MRPL36: variants seen among roughly 807,000 people sequenced by gnomAD.
MRPL36 encodes the protein mitochondrial ribosomal protein L36, also known as large ribosomal subunit protein bL36m.
In MRPL36, 1 loss-of-function variant was observed where a neutral mutation model predicts 2.8. That is an observed-to-expected ratio of 0.36 (90% CI 0.13 to 1.69). The LOEUF is 1.69. Among genes scored for constraint, MRPL36 ranks in the 40% most tolerant of loss-of-function variants. MRPL36 has a pLI of 0.35. For missense variants in MRPL36, 148 were observed against 132.7 expected (o/e 1.12, Z -0.57); for synonymous variants, 68 against 54.8 (o/e 1.24, Z -1.06).
At chr5:1,800,217 A>T (rs920741911), upstream of MRPL36, among the ~76,000 whole-genome samples, 1 of 152,214 alleles carries the variant, frequency 6.6e-6, no homozygotes, top group African/African-American at 2.4e-5. Flanking sequence ...AGTAGTTTCA[A>T]CTGGTTACGG....
At chr5:1,799,192 G>A (rs542532411) in intron 1 of MRPL36, 39 of 444,374 alleles carry the variant, frequency 8.8e-5, no homozygotes, top group Middle Eastern at 5.9e-4. Context: ...AAGTGTAGGT[G>A]AGTGTGCAAA....
intron 1 of MRPL36, chr5:1,799,240 G>A: frequency 3.5e-6 from 1 of 285,542 alleles, no homozygotes; most frequent in South Asian, 6.9e-5. Context: ...TTGGCTGGGA[G>A]GGAGCTTAAA....
upstream of MRPL36, among the ~76,000 whole-genome samples, chr5:1,800,380 T>A (rs534775454): frequency 6.6e-6 from 1 of 152,334 alleles, no homozygotes; most frequent in African/African-American, 2.4e-5. Context: ...TTCGCCTTCC[T>A]TTTTGTGTGT....
chr5:1,800,493 G>A (rs1297671076), upstream of MRPL36, among the ~76,000 whole-genome samples: 1 of 152,192 alleles, frequency 6.6e-6, no homozygotes, highest in African/African-American at 2.4e-5. Flanking sequence ...GGCGAACACC[G>A]GGCGGGCCGC....
chr5:1,798,857 AG>A lies in MRPL36; in HGVS notation c.78del (p.Ser27ProfsTer56). On this transcript the variant is annotated frameshift_variant, in exon 2 of 2. Coordinates refer to ENST00000505059, the MANE Select transcript of MRPL36 (RefSeq NM_032479.4). LOFTEE classifies it low-confidence loss of function (END_TRUNC). ...LSRHTVKPRA[L>X]STFLFGSIRG... Reference sequence around the variant, plus strand: ...CGAATGGATCCAAATAGAAATGTGGAGAGGGCTCGAGGCTTCACCGTGTGAC... The same window carrying A: ...CGAATGGATCCAAATAGAAATGTGGAAGGGCTCGAGGCTTCACCGTGTGAC... 6.2e-7 allele frequency: 1 copy of A among 1,613,600 alleles called. No individual in the cohort carries two copies. The highest frequency in any genetic ancestry group is 1.1e-5 in the South Asian group (1 of 91,070).
upstream of MRPL36, chr5:1,801,336 G>C (rs1734032368): frequency 6.5e-7 from 1 of 1,542,056 alleles, no homozygotes; most frequent in African/African-American, 1.4e-5. Context: ...ATAAATACCG[G>C]GTGTTTGGCG....
At chr5:1,799,583 C>G (rs1428414705) in intron 1 of MRPL36, 1 of 152,136 alleles carries the variant, frequency 6.6e-6, no homozygotes, top group African/African-American at 2.4e-5. Context: ...CTGGACACCC[C>G]CTCCTGTCGC....
chr5:1,799,287 A>C (rs919812024), intron 1 of MRPL36: 1 of 188,374 alleles, frequency 5.3e-6, no homozygotes, highest in Non-Finnish European at 1.1e-5. Context: ...ACACCAGGTC[A>C]AGGACGGTTC....
chr5:1,798,464 A>C lies in MRPL36; in HGVS notation c.*160T>G. Reference sequence around the variant, plus strand: ...AATAAGATAACGCAATGTCTTCTATAGTTACTCATTTACACTGAAACGTGA... The same window carrying C: ...AATAAGATAACGCAATGTCTTCTATCGTTACTCATTTACACTGAAACGTGA... On this transcript the variant is annotated 3_prime_UTR_variant, in exon 2 of 2. Coordinates refer to ENST00000505059, the MANE Select transcript of MRPL36 (RefSeq NM_032479.4). 1.5e-6 allele frequency: 1 copy of C among 656,178 alleles called. No homozygotes were observed. Among genetic ancestry groups the C allele is most frequent in the South Asian group, 2.0e-5 (1 of 48,982 alleles). 40.6% of individuals were successfully genotyped at this position (656,178 alleles called of 1,614,324 possible).
chr5:1,800,205 G>A (rs933179040), upstream of MRPL36, among the ~76,000 whole-genome samples: 2 of 152,190 alleles, frequency 1.3e-5, no homozygotes, highest in African/African-American at 2.4e-5. Context: ...GTGGAGACGG[G>A]CAGTAGTTTC....
chr5:1,801,221 C>T (rs1483987294), upstream of MRPL36: 9 of 758,366 alleles, frequency 1.2e-5, no homozygotes, highest in Non-Finnish European at 1.9e-5. Context: ...TAATCAGGGG[C>T]ATTTTTAGCG....
upstream of MRPL36, among the ~76,000 whole-genome samples, chr5:1,801,100 C>T (rs1734023595): frequency 6.6e-6 from 1 of 152,258 alleles, no homozygotes; most frequent in African/African-American, 2.4e-5. Context: ...CATCAGGGCC[C>T]TAGCTCTAGC....
At chr5:1,800,531 T>A (rs557034558), upstream of MRPL36, among the ~76,000 whole-genome samples, 94 of 152,322 alleles carry the variant, frequency 6.2e-4, 1 homozygote, top group African/African-American at 2.2e-3. Flanking sequence ...AGGACAAATC[T>A]GCCTCTGACC....
intron 1 of MRPL36, chr5:1,799,198 G>T: frequency 2.4e-6 from 1 of 414,188 alleles, no homozygotes; most frequent in South Asian, 4.2e-5. Context: ...AGGTGAGTGT[G>T]CAAAGCCCTG....
rs1733915672 is a variant in MRPL36, at chr5:1,798,555, C to G, written c.*69G>C. 15 of 1,474,836 alleles carry G rather than the reference C, an allele frequency of 1.0e-5. No homozygotes were observed. In the South Asian group the frequency reaches 1.8e-4, roughly 18 times the overall value. 91.4% of individuals were successfully genotyped at this position (1,474,836 alleles called of 1,614,324 possible). A position where few individuals can be genotyped will look rare whatever the true frequency, so the allele number is the denominator to read the frequency against. ...TGACTCCTTGATGTGATAATTCCTT[C>G]CATAAGATACAACCATTCTCCCAAG... On this transcript the variant is annotated 3_prime_UTR_variant, in exon 2 of 2. Transcript: ENST00000505059.
chr5:1,801,362 CG>C (rs1199606788), upstream of MRPL36: 2 of 1,580,792 alleles, frequency 1.3e-6, no homozygotes, highest in Admixed American at 3.4e-5. Flanking sequence ...AGAAGCCGTG[CG>C]CATGCGTTAG....
rs1247165372 is a variant in MRPL36, at chr5:1,798,416, T to G, written c.*208A>C. The G allele has an allele frequency of 5.7e-6, 3 of 527,274 alleles. No homozygotes were observed. The highest frequency in any genetic ancestry group is 1.0e-5 in the Non-Finnish European group (3 of 297,942). The allele number at this position is 527,274 out of a possible 1,614,324, so 32.7% of individuals were successfully genotyped here. A position where few individuals can be genotyped will look rare whatever the true frequency, so the allele number is the denominator to read the frequency against. On this transcript the variant is annotated 3_prime_UTR_variant, in exon 2 of 2. Transcript: ENST00000505059. Reference sequence around the variant, plus strand: ...GAAGGTCTATTTTAATAGGAAAATGTTTTTTAGTTGGAACGTTTTGGAAAT... The same window carrying G: ...GAAGGTCTATTTTAATAGGAAAATGGTTTTTAGTTGGAACGTTTTGGAAAT...
At chr5:1,799,245 C>T in intron 1 of MRPL36, 1 of 273,418 alleles carries the variant, frequency 3.7e-6, no homozygotes. Flanking sequence ...TGGGAGGGAG[C>T]TTAAACTTAG....
upstream of MRPL36, chr5:1,799,884 G>T (rs1312945570): frequency 6.6e-6 from 1 of 151,804 alleles, no homozygotes; most frequent in Non-Finnish European, 1.5e-5. Context: ...GCGGGGGGGG[G>T]GGTCACGTGG....
Sources: allele counts gnomAD v4.1 joint callset (sites outside exome capture counted in the v4.1 genomes callset), GRCh38; gene constraint gnomAD v4.1.1; transcripts MANE v1.5; gene names NCBI Gene and HGNC (gene_info 2026-07-23, HGNC 2026-07-21).